DMXL1: variants seen among roughly 807,000 people sequenced by gnomAD.
The protein encoded by DMXL1 is dmX-like protein 1.
DMXL1 carries 99 observed loss-of-function variants against 319.2 expected under a neutral mutation model. The ratio of observed to expected loss-of-function variants is 0.31; its 90% CI spans 0.26 to 0.37. The LOEUF is 0.37. Ranked by LOEUF, DMXL1 falls within the 10% of genes least tolerant of loss-of-function variation. The pLI, the probability that DMXL1 is intolerant of heterozygous loss-of-function variation, is 1.00. For synonymous variants in DMXL1, 1,385 were observed against 1,235.2 expected (o/e 1.12, Z -2.54); for missense variants, 3,745 against 3,595.6 (o/e 1.04, Z -1.06).
At chr5:119,140,821 C>T (rs1231824078) in intron 13 of DMXL1, among the ~76,000 whole-genome samples, 1 of 152,036 alleles carries the variant, frequency 6.6e-6, no homozygotes, top group Non-Finnish European at 1.5e-5. Flanking sequence ...AAACTTTAGC[C>T]CAATATCCTC....
At chr5:119,208,532 T>C (rs549579846) in intron 34 of DMXL1, among the ~76,000 whole-genome samples, 84 of 152,292 alleles carry the variant, frequency 5.5e-4, no homozygotes, top group African/African-American at 1.9e-3. Flanking sequence ...GGAATTCTTA[T>C]ACAAACATTT....
At chr5:119,114,410 GAGAATATTGAACTTT>G (rs2149878284) in intron 5 of DMXL1, 50 bp from the exon 6 acceptor site, 1 of 1,136,524 alleles carries the variant, frequency 8.8e-7, no homozygotes, top group South Asian at 1.4e-5. Flanking sequence ...TTATAATTTT[GAGAATATTGAACTTT>G]TTCTTTTTAG....
chr5:119,148,667 A>G, intron 17 of DMXL1, 72 bp from the exon 18 acceptor site: 1 of 1,455,416 alleles, frequency 6.9e-7, no homozygotes, highest in Admixed American at 2.1e-5. Flanking sequence ...AAAAGACTAA[A>G]ATCGTAAGTA....
chr5:119,139,004 G>A (rs1227188433), intron 13 of DMXL1: 1 of 151,718 alleles, frequency 6.6e-6, no homozygotes, highest in Middle Eastern at 3.2e-3. Flanking sequence ...CATCCTTAAA[G>A]AAAAAAAAGT....
intron 13 of DMXL1, among the ~76,000 whole-genome samples, chr5:119,135,252 A>G (rs994105366): frequency 2.0e-5 from 3 of 152,196 alleles, no homozygotes; most frequent in African/African-American, 7.2e-5. Flanking sequence ...AAAAATTTGT[A>G]TCATAGAGCT....
At chr5:119,122,210 G>A (rs1198166392) in intron 9 of DMXL1, among the ~76,000 whole-genome samples, 18 of 133,502 alleles carry the variant, frequency 1.3e-4, no homozygotes, top group South Asian at 4.8e-4. Context: ...AGTAGGGGCG[G>A]CCGGGCAGAG....
chr5:119,114,384 T>G lies in DMXL1; in HGVS notation c.498-91T>G, dbSNP rs543352669. On this transcript the variant is annotated intron_variant, in intron 5 of 43. Coordinates refer to ENST00000539542, the MANE Select transcript of DMXL1 (RefSeq NM_001290321.3). Reference sequence around the variant, plus strand: ...GAAACTTATAACATTTTCTGTCTTTTGAACCAATTGCTGATTTATAATTTT... The same window carrying G: ...GAAACTTATAACATTTTCTGTCTTTGGAACCAATTGCTGATTTATAATTTT... 1.8e-4 allele frequency: 161 copies of G among 895,186 alleles called. 5 individuals are homozygous for G. The South Asian group carries it at 2.5e-3, about 14-fold the overall frequency. 55.5% of individuals were successfully genotyped at this position (895,186 alleles called of 1,614,324 possible).
intron 39 of DMXL1, among the ~76,000 whole-genome samples, chr5:119,233,874 A>T (rs540449410): frequency 1.3e-5 from 2 of 152,194 alleles, no homozygotes; most frequent in South Asian, 4.1e-4. Context: ...TTAACCCGAT[A>T]TTGTTGTGAT....
chr5:119,149,495 G>A lies in DMXL1; in HGVS notation c.3668G>A (p.Arg1223Gln), dbSNP rs767739685. 1.2e-5 allele frequency: 19 copies of A among 1,613,930 alleles called. No homozygotes were observed. The highest frequency in any genetic ancestry group is 1.7e-5 in the Admixed American group (1 of 59,984). ...PPFPVSLSWV[R>Q]DGILVVGMDC... ...TTTCCTGTTTCTTTATCGTGGGTCC[G>A]GGATGGCATCCTTGTGGTAGGAATG... The change falls in exon 18 of 44, where the codon CGG (arginine) becomes CAG (glutamine). Residue 1223 changes from arginine (R) to glutamine (Q), a missense_variant. Physicochemically the swap from Arg to Gln is conservative, Grantham distance 43. Coordinates refer to ENST00000539542, the MANE Select transcript of DMXL1 (RefSeq NM_001290321.3).
chr5:119,075,494 C>G (rs1023953580), intron 1 of DMXL1, among the ~76,000 whole-genome samples: 2 of 152,094 alleles, frequency 1.3e-5, no homozygotes, highest in African/African-American at 2.4e-5. Flanking sequence ...CCACCTCGGC[C>G]TCCCCACGTA....
chr5:119,098,527 G>C (rs1316039582), intron 2 of DMXL1, among the ~76,000 whole-genome samples: 1 of 151,788 alleles, frequency 6.6e-6, no homozygotes, highest in Non-Finnish European at 1.5e-5. Context: ...ACTTTTTGTG[G>C]AAATGAAAAA....
intron 13 of DMXL1, 123 bp from the exon 14 acceptor site, chr5:119,143,718 G>A (rs1767913005): frequency 1.4e-5 from 7 of 516,180 alleles, no homozygotes; most frequent in Non-Finnish European, 2.3e-5. Context: ...ATAGTTGAAA[G>A]GGACTATATT....
At chr5:119,190,652 A>G (rs1321225787) in intron 29 of DMXL1, among the ~76,000 whole-genome samples, 1 of 152,252 alleles carries the variant, frequency 6.6e-6, no homozygotes, top group Non-Finnish European at 1.5e-5. Flanking sequence ...CAAGTTGAAC[A>G]TAAATGAAGT....
chr5:119,173,776 G>GTGTGTATATATATATATATATATA, intron 25 of DMXL1, among the ~76,000 whole-genome samples: 35 of 67,168 alleles, frequency 5.2e-4, no homozygotes, highest in African/African-American at 1.8e-3. Context: ...ATGTGTGTGT[G>GTGTGTATATATATATATATATATA]TATATATATA....
chr5:119,197,668 T>G, intron 31 of DMXL1, 87 bp from the exon 32 acceptor site: 1 of 1,189,328 alleles, frequency 8.4e-7, no homozygotes, highest in Non-Finnish European at 1.2e-6. Flanking sequence ...CTGCATCTGC[T>G]CTCCCCTCTC....
rs771543403 is a variant in DMXL1 at position 119,196,402 on chromosome 5, T to C, written c.7489T>C (p.Leu2497=). 13 of 1,613,944 alleles carry C rather than the reference T, an allele frequency of 8.1e-6. No homozygotes were observed. Among genetic ancestry groups the C allele is most frequent in the Non-Finnish European group, 7.6e-6 (9 of 1,179,900 alleles). The part of the protein sequence containing the change: ...WSLMRLAMVQ[L]VLNNLKTFYP... ...CTTGATGCGGTTGGCGATGGTGCAA[T>C]TGGTGCTCAACAATTTGAAGACTTT... The change falls in exon 31 of 44, where the codon TTG becomes CTG. Residue 2497 remains leucine, a synonymous_variant. Coordinates refer to ENST00000539542, the MANE Select transcript of DMXL1 (RefSeq NM_001290321.3).
chr5:119,206,332 G>A (rs1322909621), intron 33 of DMXL1, among the ~76,000 whole-genome samples: 1 of 151,896 alleles, frequency 6.6e-6, no homozygotes, highest in East Asian at 1.9e-4. Context: ...AAGTGTATGT[G>A]CTTCCCAGCA....
intron 3 of DMXL1, among the ~76,000 whole-genome samples, chr5:119,104,450 T>C (rs1259422316): frequency 5.3e-5 from 8 of 152,216 alleles, no homozygotes; most frequent in Non-Finnish European, 1.0e-4. Flanking sequence ...GAATTTTTAG[T>C]AACATCTCAG....
chr5:119,133,495 T>C lies in DMXL1; in HGVS notation c.1571T>C (p.Val524Ala). 1.2e-6 allele frequency: 2 copies of C among 1,601,382 alleles called. No individual in the cohort carries two copies. The highest frequency in any genetic ancestry group is 1.7e-6 in the Non-Finnish European group (2 of 1,175,496). Residue 524 changes from valine (V) to alanine (A), a missense_variant and splice_region_variant, in exon 12 of 44, where the codon GTG (valine) becomes GCG (alanine). Coordinates refer to ENST00000539542, the MANE Select transcript of DMXL1 (RefSeq NM_001290321.3). Reference protein sequence around the residue: ...YQPGMFRQVQVSFVSRIPVAF... With the variant: ...YQPGMFRQVQASFVSRIPVAF... ...TAACACTTGCTTTCTTGATTCTAGGTGTCCTTTGTTTCCAGAATTCCAGTA... is the reference window on the plus strand; with the variant it reads ...TAACACTTGCTTTCTTGATTCTAGGCGTCCTTTGTTTCCAGAATTCCAGTA...
Sources: gnomAD v4.1 joint callset for allele counts (sites outside exome capture counted in the v4.1 genomes callset) on GRCh38, gnomAD v4.1.1 for gene constraint, MANE v1.5 for transcripts, NCBI Gene and HGNC (gene_info 2026-07-23, HGNC 2026-07-21) for gene names.